Variants in TENM2 observed in about 807,000 individuals in gnomAD.
TENM2 encodes the protein teneurin transmembrane protein 2, also known as teneurin-2.
In TENM2, 52 loss-of-function variants were observed where a neutral mutation model predicts 245.2. The observed-to-expected ratio is 0.21, with a 90% CI of 0.17 to 0.27. The LOEUF (loss-of-function observed/expected upper bound fraction) is 0.27. Among genes scored for constraint, TENM2 ranks in the 10% least tolerant of loss-of-function variants. TENM2 has a pLI of 1.00. For synonymous variants in TENM2, 1,363 were observed against 1,438.9 expected (o/e 0.95, Z 1.19); for missense variants, 3,046 against 3,666.8 (o/e 0.83, Z 4.37).
At chr5:167,678,365 AG>A (rs1213216485) in intron 2 of TENM2, among the ~76,000 whole-genome samples, 2 of 152,160 alleles carry the variant, frequency 1.3e-5, no homozygotes, top group African/African-American at 4.8e-5. Context: ...GCCATTAAAA[AG>A]GATTCTTATA....
chr5:168,058,061 C>A lies in TENM2; in HGVS notation c.1310-3999C>A, dbSNP rs541500717. 3.3e-5 allele frequency among the ~76,000 whole-genome samples: 5 copies of A among 152,308 alleles called. No individual in the cohort carries two copies. The East Asian group carries it at 9.7e-4, about 29-fold the overall frequency. On this transcript the variant is annotated intron_variant, in intron 6 of 28. Transcript: ENST00000518659. ...AGCACAAGCTCACATGAGTGGTTAC[C>A]TAATGCGCCTCACATGGCATAATTA...
intron 5 of TENM2, among the ~76,000 whole-genome samples, chr5:168,011,386 A>G (rs892169823): frequency 1.1e-4 from 16 of 152,242 alleles, no homozygotes; most frequent in African/African-American, 3.4e-4. Context: ...CGACTGGGAG[A>G]TGCTACCAGT....
intron 1 of TENM2, among the ~76,000 whole-genome samples, chr5:167,326,674 A>G (rs182758986): frequency 3.8e-3 from 542 of 143,842 alleles, no homozygotes; most frequent in African/African-American, 0.013. Flanking sequence ...CTCCGTCAGA[A>G]TAATAATAAT....
At chr5:168,181,604 C>G (rs1246629440) in intron 13 of TENM2, among the ~76,000 whole-genome samples, 1 of 150,076 alleles carries the variant, frequency 6.7e-6, no homozygotes, top group Admixed American at 6.6e-5. Context: ...AAAGAGTTGG[C>G]AAGAAGTAGG....
At chr5:167,073,494 T>C in the TENM2 span, among the ~76,000 whole-genome samples, 2 of 152,222 alleles carry the variant, frequency 1.3e-5, no homozygotes, top group Non-Finnish European at 2.9e-5. Context: ...CTTTTTCTTA[T>C]GGACAAAAGT....
rs528178327 is a variant in TENM2 at position 168,143,975 on chromosome 5, G to A, written c.2422+17009G>A. Among the ~76,000 whole-genome samples, 8 of 150,328 alleles carry A rather than the reference G, an allele frequency of 5.3e-5. No homozygotes were observed. The South Asian group carries it at 6.3e-4, about 12-fold the overall frequency. Reference sequence around the variant, plus strand: ...AGAGATTCTCCTGCCTCAGCCTCCCGAGTAGCTGGGATTACAGGCATGCAC... The same window carrying A: ...AGAGATTCTCCTGCCTCAGCCTCCCAAGTAGCTGGGATTACAGGCATGCAC... On this transcript the variant is annotated intron_variant, in intron 12 of 28. Transcript: ENST00000518659.
chr5:168,118,167 A>G lies in TENM2; in HGVS notation c.1814-125A>G, dbSNP rs558839015. Reference sequence around the variant, plus strand: ...GCAATGGTTCTGCACCTGCACAGCCAGAGTCCCCAGCCTAGAACACTGTAA... The same window carrying G: ...GCAATGGTTCTGCACCTGCACAGCCGGAGTCCCCAGCCTAGAACACTGTAA... On this transcript the variant is annotated intron_variant, in intron 9 of 28. Transcript: ENST00000518659. 6.1e-6 allele frequency: 4 copies of G among 654,642 alleles called. No individual in the cohort carries two copies. The African/African-American group carries it at 7.2e-5, about 12-fold the overall frequency. 40.6% of individuals were successfully genotyped at this position (654,642 alleles called of 1,614,324 possible).
At chr5:167,892,910 G>A (rs978050623) in intron 3 of TENM2, among the ~76,000 whole-genome samples, 2 of 152,270 alleles carry the variant, frequency 1.3e-5, no homozygotes, top group Middle Eastern at 3.4e-3. Context: ...GGACATGCAA[G>A]TTATCATGAT....
chr5:167,638,152 C>T (rs1779337741), intron 2 of TENM2, among the ~76,000 whole-genome samples: 1 of 148,832 alleles, frequency 6.7e-6, no homozygotes, highest in African/African-American at 2.5e-5. Context: ...TGTCAGGGGG[C>T]ATGCATACAC....
At chr5:167,311,418 A>G (rs2127754347) in intron 1 of TENM2, among the ~76,000 whole-genome samples, 1 of 152,274 alleles carries the variant, frequency 6.6e-6, no homozygotes, top group African/African-American at 2.4e-5. Context: ...TGTATTTTCA[A>G]AATTGGAATT....
chr5:167,717,904 G>A (rs939566966), intron 2 of TENM2, among the ~76,000 whole-genome samples: 1 of 152,212 alleles, frequency 6.6e-6, no homozygotes, highest in African/African-American at 2.4e-5. Context: ...TGTACTTCCT[G>A]TTGGAATTCG....
upstream of TENM2, among the ~76,000 whole-genome samples, chr5:167,284,358 A>AG (rs960346542): frequency 3.4e-4 from 51 of 151,838 alleles, no homozygotes; most frequent in Admixed American, 6.6e-4. Context: ...TTTCTTTTGG[A>AG]GGGGGGGTGG....
the TENM2 span, among the ~76,000 whole-genome samples, chr5:167,197,266 G>A: frequency 8.5e-5 from 13 of 152,188 alleles, no homozygotes; most frequent in Admixed American, 2.6e-4. Context: ...CTTCCAAAGC[G>A]TGTGCTATTT....
rs560208591 is a variant in TENM2 at position 168,222,306 on chromosome 5, C to T, written c.5108+3307C>T. On this transcript the variant is annotated intron_variant, in intron 23 of 28. Transcript: ENST00000518659. The stretch of plus-strand genomic sequence containing the variant: ...GAGCAGAGTCTGCCTTAGCAAACTT[C>T]GGGCTCAGAGGGGCAGAAAAACACA... 5.3e-5 allele frequency among the ~76,000 whole-genome samples: 8 copies of T among 152,324 alleles called. No individual in the cohort carries two copies. The South Asian group carries it at 8.3e-4, about 16-fold the overall frequency.
chr5:167,957,554 A>G (rs903638413), intron 4 of TENM2, among the ~76,000 whole-genome samples: 1 of 151,842 alleles, frequency 6.6e-6, no homozygotes, highest in African/African-American at 2.4e-5. Flanking sequence ...TAGTTCTTTG[A>G]ATTGTGATGT....
intron 5 of TENM2, among the ~76,000 whole-genome samples, chr5:168,018,055 A>G (rs913686733): frequency 2.0e-5 from 3 of 152,150 alleles, no homozygotes; most frequent in Non-Finnish European, 2.9e-5. Flanking sequence ...CTTAAACTTT[A>G]TCTTCTGGCA....
intron 1 of TENM2, among the ~76,000 whole-genome samples, chr5:167,332,273 A>G (rs1299922876): frequency 6.6e-6 from 1 of 152,102 alleles, no homozygotes; most frequent in Non-Finnish European, 1.5e-5. Context: ...TTTAGCTATG[A>G]TTTCCTTATG....
At chr5:166,985,632 A>G in the TENM2 span, among the ~76,000 whole-genome samples, 1 of 152,116 alleles carries the variant, frequency 6.6e-6, no homozygotes, top group African/African-American at 2.4e-5. Context: ...AAAAAAATCA[A>G]ATTTATTTAT....
At chr5:167,133,141 G>A in the TENM2 span, among the ~76,000 whole-genome samples, 1 of 152,156 alleles carries the variant, frequency 6.6e-6, no homozygotes, top group South Asian at 2.1e-4. Context: ...AGAAGGGAGG[G>A]AAAATGAGAG....
Sources: allele counts gnomAD v4.1 joint callset (sites outside exome capture counted in the v4.1 genomes callset), GRCh38; gene constraint gnomAD v4.1.1; transcripts MANE v1.5; gene names NCBI Gene and HGNC (gene_info 2026-07-23, HGNC 2026-07-21).